The following MLPH variants were observed in gnomAD, a reference collection of about 807,000 sequenced individuals.
MLPH encodes the protein exophilin-3.
A neutral mutation model predicts 72.1 loss-of-function variants in MLPH; 51 were observed. The ratio of observed to expected loss-of-function variants is 0.71; its 90% confidence interval spans 0.56 to 0.89. The LOEUF (loss-of-function observed/expected upper bound fraction) is 0.89, where lower values mean the gene tolerates loss of function less well. Among genes scored for constraint, MLPH ranks in the 40% least tolerant of loss-of-function variants. The pLI, the probability that MLPH is intolerant of heterozygous loss-of-function variation, is 0.00. For missense variants in MLPH, 743 were observed against 759.9 expected (o/e 0.98, Z 0.26); for synonymous variants, 301 against 310.1 (o/e 0.97, Z 0.31).
intron 12 of MLPH, chr2:237,545,757 A>G: frequency 1.2e-6 from 1 of 854,240 alleles, no homozygotes; most frequent in Non-Finnish European, 1.5e-6. Flanking sequence ...AGTCCCAGAT[A>G]GGGTCATGAC....
At chr2:237,497,144 T>C (rs1341940935) in intron 2 of MLPH, among the ~76,000 whole-genome samples, 2 of 152,144 alleles carry the variant, frequency 1.3e-5, no homozygotes, top group Non-Finnish European at 2.9e-5. Context: ...CAGACAACTA[T>C]GGGAGCTCTA....
At chr2:237,545,216 T>TGGA (rs113039989) in intron 12 of MLPH, among the ~76,000 whole-genome samples, 941 of 42,134 alleles carry the variant, frequency 0.022, 34 homozygotes, top group East Asian at 0.062. Flanking sequence ...CAGTGGTGAG[T>TGGA]GGGGACAGTG....
At chr2:237,518,692 A>G in intron 5 of MLPH, 44 bp downstream of exon 5, 1 of 1,481,294 alleles carries the variant, frequency 6.8e-7, no homozygotes, top group Non-Finnish European at 9.4e-7. Flanking sequence ...CCTCGATTCC[A>G]TCCCGCAGCT....
chr2:237,541,295 C>T lies in MLPH; in HGVS notation c.1446+338C>T, dbSNP rs1235320454. Among the ~76,000 whole-genome samples the T allele has an allele frequency of 6.6e-6, 1 of 152,200 alleles. No homozygotes were observed. Among genetic ancestry groups the T allele is most frequent in the East Asian group, 1.9e-4 (1 of 5,192 alleles). On this transcript the variant is annotated intron_variant, in intron 11 of 15. Coordinates refer to ENST00000264605, the MANE Select transcript of MLPH (RefSeq NM_024101.7). The surrounding 1 kb of genome is among the most constrained non-coding windows in gnomAD (Gnocchi z 5.1). Reference sequence around the variant, plus strand: ...CCTGGAATTTAGGACAGCCCCAGACCTCAGCACTGGACTCTGTCCGGAGGG... The same window carrying T: ...CCTGGAATTTAGGACAGCCCCAGACTTCAGCACTGGACTCTGTCCGGAGGG...
In MLPH at chr2:237,505,232, G is replaced by A. The variant is rs2079740300; in HGVS notation, c.111-5342G>A. The stretch of plus-strand genomic sequence containing the variant: ...CTTGCAGGATGGGGACCGCTGGCTG[G>A]TATGTGAAGGGTACTGGCCGGGCAC... On this transcript the variant is annotated intron_variant, in intron 2 of 15. Coordinates refer to ENST00000264605, the MANE Select transcript of MLPH (RefSeq NM_024101.7). The surrounding 1 kb of genome is among the most constrained non-coding windows in gnomAD (Gnocchi z 4.5). Among the ~76,000 whole-genome samples, 1 of 152,152 alleles carries A rather than the reference G, an allele frequency of 6.6e-6. No homozygotes were observed.
intron 9 of MLPH, among the ~76,000 whole-genome samples, chr2:237,535,362 CTA>C (rs79956106): frequency 0.017 from 2,643 of 152,268 alleles, 47 homozygotes; most frequent in South Asian, 0.067. Flanking sequence ...CCTCTCAACA[CTA>C]TTGCACTGGG....
At chr2:237,504,318 G>A (rs1169228371) in intron 2 of MLPH, among the ~76,000 whole-genome samples, 2 of 152,118 alleles carry the variant, frequency 1.3e-5, no homozygotes, top group African/African-American at 2.4e-5. Flanking sequence ...CTGGGTTTAA[G>A]CGATTCTCCT....
intron 7 of MLPH, 122 bp downstream of exon 7, chr2:237,525,927 G>T: frequency 1.0e-6 from 1 of 993,256 alleles, no homozygotes; most frequent in South Asian, 1.4e-5. Context: ...CCCTTCCTTT[G>T]GCGTGATTGT....
chr2:237,552,321 C>T lies in MLPH; in HGVS notation c.1676-16C>T. The T allele has an allele frequency of 6.2e-7, 1 of 1,611,088 alleles. No individual in the cohort carries two copies. Among genetic ancestry groups the T allele is most frequent in the South Asian group, 1.1e-5 (1 of 91,006 alleles). On this transcript the variant is annotated splice_polypyrimidine_tract_variant and intron_variant, in intron 14 of 15. Transcript: ENST00000264605. ...TGATTGATAAAGCACCATCCCTCTT[C>T]CTGTTTTCCCCAAAGGTAAAGATGA...
intron 15 of MLPH, among the ~76,000 whole-genome samples, chr2:237,552,823 C>T (rs2081065474): frequency 6.6e-6 from 1 of 152,272 alleles, no homozygotes; most frequent in Middle Eastern, 3.4e-3. Context: ...ACTAACTTGT[C>T]CATGTGTGTA....
chr2:237,520,113 C>A, intron 6 of MLPH, 84 bp downstream of exon 6: 1 of 1,584,570 alleles, frequency 6.3e-7, no homozygotes, highest in Non-Finnish European at 8.6e-7. Context: ...GGACAGCACT[C>A]TGGAAGCAGT....
In MLPH at chr2:237,519,992, A is replaced by G. The variant is rs775340354; in HGVS notation, c.638A>G (p.His213Arg). 1 of 1,613,802 alleles carries G rather than the reference A, an allele frequency of 6.2e-7. No homozygotes were observed. The highest frequency in any genetic ancestry group is 1.3e-5 in the African/African-American group (1 of 74,878). Residue 213 changes from histidine to arginine, a missense_variant, in exon 6 of 16, where the codon CAC becomes CGC. Physicochemically the swap from His to Arg is conservative, Grantham distance 29. Coordinates refer to ENST00000264605, the MANE Select transcript of MLPH (RefSeq NM_024101.7). Reference sequence around the variant, plus strand: ...ACTCAGCCTCAAGGTCACTCCCTGCACCTGTCCTCAGTCCCTGAGGCCAGG... The same window carrying G: ...ACTCAGCCTCAAGGTCACTCCCTGCGCCTGTCCTCAGTCCCTGAGGCCAGG... ...DSTQPQGHSL[H>R]LSSVPEARDS...
chr2:237,519,542 C>T (rs1036558107), intron 5 of MLPH, among the ~76,000 whole-genome samples: 2 of 152,186 alleles, frequency 1.3e-5, no homozygotes, highest in Non-Finnish European at 2.9e-5. Flanking sequence ...CATCGTGCCC[C>T]GGCTATCCGA....
intron 4 of MLPH, chr2:237,518,277 C>T: frequency 1.8e-6 from 1 of 560,418 alleles, no homozygotes; most frequent in Non-Finnish European, 3.3e-6. Context: ...ATGGGCTGCC[C>T]ATTGAGTAGG....
chr2:237,549,511 C>CGGT (rs1171964406), intron 14 of MLPH, among the ~76,000 whole-genome samples: 1 of 152,134 alleles, frequency 6.6e-6, no homozygotes, highest in South Asian at 2.1e-4. Context: ...CTGGTGGCAG[C>CGGT]GGTGGTGGTG....
intron 8 of MLPH, among the ~76,000 whole-genome samples, chr2:237,527,908 A>G (rs2080338272): frequency 6.6e-6 from 1 of 152,240 alleles, no homozygotes; most frequent in Non-Finnish European, 1.5e-5. Flanking sequence ...AATGGATAAA[A>G]AAATGCAGGA....
Position 237,553,800 on chromosome 2 carries a change from G to A in MLPH, c.*208G>A. 2 of 747,288 alleles carry A rather than the reference G, an allele frequency of 2.7e-6. No homozygotes were observed. Among genetic ancestry groups the A allele is most frequent in the Non-Finnish European group, 4.9e-6 (2 of 409,184 alleles). The allele number at this position is 747,288 out of a possible 1,614,324, so 46.3% of individuals were successfully genotyped here. On this transcript the variant is annotated 3_prime_UTR_variant, in exon 16 of 16. Coordinates refer to ENST00000264605, the MANE Select transcript of MLPH (RefSeq NM_024101.7). ...TCACCTGGGTTTACTGATGACTCCT[G>A]GCTGCCCCACCATCCTCTCTGATCT...
At chr2:237,492,583 T>C (rs971829387) in intron 1 of MLPH, among the ~76,000 whole-genome samples, 1 of 152,348 alleles carries the variant, frequency 6.6e-6, no homozygotes, top group African/African-American at 2.4e-5. Context: ...GAATCCCTGC[T>C]GGGCAGCCCC....
At chr2:237,519,380 G>A (rs747198556) in intron 5 of MLPH, among the ~76,000 whole-genome samples, 1 of 152,202 alleles carries the variant, frequency 6.6e-6, no homozygotes, top group Non-Finnish European at 1.5e-5. Context: ...TTCCCAGAAT[G>A]CTCTGCAGTG....
Sources: gnomAD v4.1 joint callset for allele counts (sites outside exome capture counted in the v4.1 genomes callset) on GRCh38, gnomAD v4.1.1 for gene constraint, Gnocchi (gnomAD v3.1) non-coding constraint, MANE v1.5 for transcripts, NCBI Gene and HGNC (gene_info 2026-07-23, HGNC 2026-07-21) for gene names.